Variants in SCN2B observed in about 807,000 individuals in gnomAD.
SCN2B encodes sodium voltage-gated channel beta subunit 2, also known as sodium channel regulatory subunit beta-2.
SCN2B carries 14 observed loss-of-function variants against 18.2 expected under a neutral mutation model. The ratio of observed to expected loss-of-function variants is 0.77; its 90% CI spans 0.51 to 1.21. The LOEUF (loss-of-function observed/expected upper bound fraction) is 1.21, where lower values mean the gene tolerates loss of function less well. SCN2B is among the 50% of genes most tolerant of loss of function. The pLI, the probability that SCN2B is intolerant of heterozygous loss-of-function variation, is 0.00. For synonymous variants in SCN2B, 115 were observed against 115.3 expected (o/e 1.00, Z 0.02); for missense variants, 262 against 286.9 (o/e 0.91, Z 0.63).
rs201185240 is a variant in SCN2B, at chr11:118,166,885, C to G, written c.*2G>C. ...ACGGGAGGCTGCAGGGCCGGCCACCCACTACTTGGCGCCATCATCCGGGTT... is the reference window on the plus strand; with the variant it reads ...ACGGGAGGCTGCAGGGCCGGCCACCGACTACTTGGCGCCATCATCCGGGTT... On this transcript the variant is annotated 3_prime_UTR_variant, in exon 4 of 4. Coordinates refer to ENST00000278947, the MANE Select transcript of SCN2B (RefSeq NM_004588.5). The G allele has an allele frequency of 1.6e-5, 26 of 1,613,914 alleles. No homozygotes were observed. In the East Asian group the frequency reaches 5.8e-4, roughly 36 times the overall value.
intron 1 of SCN2B, among the ~76,000 whole-genome samples, chr11:118,172,065 C>A (rs1249337382): frequency 6.6e-6 from 1 of 152,182 alleles, no homozygotes; most frequent in African/African-American, 2.4e-5. Flanking sequence ...TCAGACCTCC[C>A]GCCAGTCCGG....
chr11:118,170,459 T>C (rs1482285380), intron 1 of SCN2B, among the ~76,000 whole-genome samples: 1 of 151,986 alleles, frequency 6.6e-6, no homozygotes, highest in Non-Finnish European at 1.5e-5. Context: ...AGGGGGTGCA[T>C]GGTGAGACCT....
At chr11:118,167,987 A>G in intron 3 of SCN2B, 98 bp downstream of exon 3, 1 of 956,812 alleles carries the variant, frequency 1.0e-6, no homozygotes, top group Admixed American at 2.0e-5. Context: ...TCCCATCCTC[A>G]GGAGGGCCTG....
At chr11:118,176,307 C>T (rs1948467535) in intron 1 of SCN2B, 55 bp downstream of exon 1, 5 of 1,477,158 alleles carry the variant, frequency 3.4e-6, no homozygotes, top group Non-Finnish European at 4.7e-6. Context: ...CCATCCTCTT[C>T]ACATTGCGGC....
chr11:118,171,124 C>G (rs1344710450), intron 1 of SCN2B, among the ~76,000 whole-genome samples: 2 of 152,130 alleles, frequency 1.3e-5, no homozygotes, highest in African/African-American at 2.4e-5. Flanking sequence ...TGGCAGCAGC[C>G]CTGGATGGAG....
Position 118,168,687 on chromosome 11 carries a change from G to A in SCN2B, c.135C>T (p.Asp45=), listed in dbSNP as rs533110688. ...PATLNVLNGS[D]ARLPCTFNSC... ...AGTTGAAGGTGCAGGGCAGGCGGGC[G>A]TCAGAGCCATTGAGGACGTTGAGGG... Residue 45 remains aspartate (D), a synonymous_variant, in exon 2 of 4, where the codon GAC becomes GAT. Coordinates refer to ENST00000278947, the MANE Select transcript of SCN2B (RefSeq NM_004588.5). The surrounding 1 kb of genome is among the most constrained non-coding windows in gnomAD (Gnocchi z 4.7). 2.8e-5 allele frequency: 46 copies of A among 1,614,208 alleles called. No individual in the cohort carries two copies. Among genetic ancestry groups the A allele is most frequent in the Middle Eastern group, 1.6e-4 (1 of 6,062 alleles).
At chr11:118,171,523 G>A (rs551779416) in intron 1 of SCN2B, among the ~76,000 whole-genome samples, 2 of 152,212 alleles carry the variant, frequency 1.3e-5, no homozygotes, top group African/African-American at 4.8e-5. Context: ...CTTCCCAGGG[G>A]CTCCCCAGAC....
chr11:118,167,360 C>A (rs552640566), intron 3 of SCN2B, among the ~76,000 whole-genome samples: 2 of 152,332 alleles, frequency 1.3e-5, no homozygotes, highest in East Asian at 1.9e-4. Context: ...CCTAATTGTA[C>A]AACTTACGAA....
In SCN2B at chr11:118,166,848, A is replaced by AGGAGACG; in HGVS notation, c.*32_*38dup. ...GGTCACTGTACAGGGCGGAGAGGGG[A>AGGAGACG]GGAGACGGGACACGGGAGGCTGCAG... On this transcript the variant is annotated 3_prime_UTR_variant, in exon 4 of 4. Transcript: ENST00000278947. The AGGAGACG allele has an allele frequency of 3.7e-6, 6 of 1,610,980 alleles. No individual in the cohort carries two copies. Among genetic ancestry groups the AGGAGACG allele is most frequent in the East Asian group, 2.2e-5 (1 of 44,834 alleles).
In SCN2B at chr11:118,166,553, C is replaced by T. The variant is rs146529636; in HGVS notation, c.*334G>A. ...GGCCAAGCACTGGGCAGGTGGACAG[C>T]GGCCCCCTCCTCTACCCCTGCCCAC... On this transcript the variant is annotated 3_prime_UTR_variant, in exon 4 of 4. Coordinates refer to ENST00000278947, the MANE Select transcript of SCN2B (RefSeq NM_004588.5). 9 of 396,076 alleles carry T rather than the reference C, an allele frequency of 2.3e-5. No homozygotes were observed. The highest frequency in any genetic ancestry group is 4.1e-5 in the African/African-American group (2 of 48,744). The allele number at this position is 396,076 out of a possible 1,614,324, so 24.5% of individuals were successfully genotyped here. A position where few individuals can be genotyped will look rare whatever the true frequency, so the allele number is the denominator to read the frequency against.
At chr11:118,170,150 G>T (rs1293306924) in intron 1 of SCN2B, among the ~76,000 whole-genome samples, 1 of 152,218 alleles carries the variant, frequency 6.6e-6, no homozygotes, top group Non-Finnish European at 1.5e-5. Flanking sequence ...AACAGGACAG[G>T]CAGAGTCACT....
rs1459406539 is a variant in SCN2B at position 118,166,197 on chromosome 11, A to G, written c.*690T>C. The G allele has an allele frequency of 6.5e-6, 1 of 153,272 alleles. No homozygotes were observed. The highest frequency in any genetic ancestry group is 1.5e-5 in the Non-Finnish European group (1 of 68,920). The allele number at this position is 153,272 out of a possible 1,614,324, so 9.5% of individuals were successfully genotyped here. On this transcript the variant is annotated 3_prime_UTR_variant, in exon 4 of 4. Coordinates refer to ENST00000278947, the MANE Select transcript of SCN2B (RefSeq NM_004588.5). ...GGAGCTGCTCTTCCAGTCTGGCCTC[A>G]TCCACAGTCCTAAGGGATTAGGAGC...
In SCN2B at chr11:118,165,107, G is replaced by C. The variant is rs796134524; in HGVS notation, c.*1780C>G. On this transcript the variant is annotated 3_prime_UTR_variant, in exon 4 of 4. Coordinates refer to ENST00000278947, the MANE Select transcript of SCN2B (RefSeq NM_004588.5). ...CCCTGCTTCCCTCCACTCCTCCTCA[G>C]TCCTGGCCAGAGGGGCTGGGCTCCT... 2.6e-5 allele frequency: 4 copies of C among 152,484 alleles called. No homozygotes were observed. Among genetic ancestry groups the C allele is most frequent in the African/African-American group, 9.7e-5 (4 of 41,172 alleles). 9.4% of individuals were successfully genotyped at this position (152,484 alleles called of 1,614,324 possible).
rs143338408 is a variant in SCN2B at position 118,163,658 on chromosome 11, G to T, written c.*3229C>A. The T allele has an allele frequency of 2.6e-5, 4 of 152,706 alleles. No homozygotes were observed. The highest frequency in any genetic ancestry group is 5.9e-5 in the Non-Finnish European group (4 of 68,102). The allele number at this position is 152,706 out of a possible 1,614,324, so 9.5% of individuals were successfully genotyped here. A position where few individuals can be genotyped will look rare whatever the true frequency, so the allele number is the denominator to read the frequency against. The stretch of plus-strand genomic sequence containing the variant: ...TTAATTAGGAGGAAGAGACAGATGG[G>T]GGGTGGGGGCAGAGGGAGGTTCTGA... On this transcript the variant is annotated 3_prime_UTR_variant, in exon 4 of 4. Transcript: ENST00000278947.
intron 1 of SCN2B, among the ~76,000 whole-genome samples, chr11:118,174,509 G>A (rs1308534606): frequency 6.6e-6 from 1 of 152,218 alleles, no homozygotes; most frequent in South Asian, 2.1e-4. Context: ...CCTGGGGATC[G>A]ATGCTACTGC....
rs1240316703 is a variant in SCN2B, at chr11:118,168,139, G to C, written c.394C>G (p.Pro132Ala). 1 of 1,614,166 alleles carries C rather than the reference G, an allele frequency of 6.2e-7. No individual in the cohort carries two copies. Residue 132 changes from proline to alanine, a missense_variant, in exon 3 of 4, where the codon CCC (proline) becomes GCC (alanine). Coordinates refer to ENST00000278947, the MANE Select transcript of SCN2B (RefSeq NM_004588.5). This position sits in a 1 kb window ranked among gnomAD's most constrained non-coding sequence, Gnocchi z 4.7. ...CCATGGCCACGGTGGCGGTCAGGGG[G>C]GTTCATGATGTAGCAGTTGTAAATC... ...EGIYNCYIMN[P>A]PDRHRGHGKI...
At chr11:118,169,570 A>G (rs1948413763) in intron 1 of SCN2B, among the ~76,000 whole-genome samples, 1 of 152,004 alleles carries the variant, frequency 6.6e-6, no homozygotes. Context: ...TGCAACAGAC[A>G]AGAAAGAGGG....
chr11:118,173,029 G>T (rs1375679657), intron 1 of SCN2B, among the ~76,000 whole-genome samples: 1 of 151,738 alleles, frequency 6.6e-6, no homozygotes, highest in South Asian at 2.1e-4. Flanking sequence ...CTGCTCAAGG[G>T]CCTCCCCAAC....
Position 118,165,635 on chromosome 11 carries a change from C to G in SCN2B, c.*1252G>C, listed in dbSNP as rs899963941. 1 of 152,212 alleles carries G rather than the reference C, an allele frequency of 6.6e-6. No individual in the cohort carries two copies. The highest frequency in any genetic ancestry group is 1.5e-5 in the Non-Finnish European group (1 of 68,066). 9.4% of individuals were successfully genotyped at this position (152,212 alleles called of 1,614,324 possible). A position where few individuals can be genotyped will look rare whatever the true frequency, so the allele number is the denominator to read the frequency against. ...GGGATTACAGGCACACGCCACCACG[C>G]CCAGCTAATTCTTGTATTTTTAGTA... On this transcript the variant is annotated 3_prime_UTR_variant, in exon 4 of 4. Transcript: ENST00000278947.
Sources: allele counts gnomAD v4.1 joint callset (sites outside exome capture counted in the v4.1 genomes callset), GRCh38; gene constraint gnomAD v4.1.1; non-coding constraint Gnocchi (gnomAD v3.1); transcripts MANE v1.5; gene names NCBI Gene and HGNC (gene_info 2026-07-23, HGNC 2026-07-21).